The following PRKCA variants were observed in gnomAD, a reference collection of about 807,000 sequenced individuals.
PRKCA encodes the protein protein kinase C alpha type.
In PRKCA, 27 loss-of-function variants were observed where a neutral mutation model predicts 87.0. That is an observed-to-expected ratio of 0.31 (90% CI 0.23 to 0.43). PRKCA has a LOEUF of 0.43. PRKCA is among the 20% of genes least tolerant of loss of function. The pLI, the probability that PRKCA is intolerant of heterozygous loss-of-function variation, is 1.00. For synonymous variants in PRKCA, 329 were observed against 311.1 expected, an observed-to-expected ratio of 1.06 and a Z score of -0.61; for missense variants, 518 against 852.3, an observed-to-expected ratio of 0.61 and a Z score of 4.88.
intron 4 of PRKCA, among the ~76,000 whole-genome samples, chr17:66,642,133 C>T (rs964436843): frequency 6.6e-6 from 1 of 151,442 alleles, no homozygotes; most frequent in East Asian, 1.9e-4. Context: ...TTGCTTTGAT[C>T]ATTTTTTTTT....
At chr17:66,616,967 C>T (rs1020598561) in intron 3 of PRKCA, among the ~76,000 whole-genome samples, 5 of 151,472 alleles carry the variant, frequency 3.3e-5, no homozygotes, top group South Asian at 4.2e-4. Context: ...TGGGTACGAA[C>T]GGGACATAGG....
At chr17:66,575,764 T>A (rs1272343764) in intron 3 of PRKCA, among the ~76,000 whole-genome samples, 1 of 152,100 alleles carries the variant, frequency 6.6e-6, no homozygotes, top group Non-Finnish European at 1.5e-5. Context: ...AGTGTCTGGA[T>A]AGAGTAAACC....
At chr17:66,339,233 T>C (rs574056352) in intron 2 of PRKCA, among the ~76,000 whole-genome samples, 1 of 152,312 alleles carries the variant, frequency 6.6e-6, no homozygotes, top group African/African-American at 2.4e-5. Context: ...TGTTACAAAG[T>C]TTCCAGTCTA....
intron 3 of PRKCA, among the ~76,000 whole-genome samples, chr17:66,526,207 G>A (rs1056532955): frequency 3.9e-5 from 6 of 152,132 alleles, no homozygotes; most frequent in South Asian, 2.1e-4. Flanking sequence ...ATGTATATCC[G>A]AAAATTATTA....
intron 3 of PRKCA, among the ~76,000 whole-genome samples, chr17:66,591,387 G>A (rs558479190): frequency 7.6e-4 from 116 of 151,738 alleles, no homozygotes; most frequent in Middle Eastern, 3.4e-3. Flanking sequence ...TTGAACTCCC[G>A]GGCTCAAATG....
At chr17:66,778,151 C>T (rs1691296312) in intron 14 of PRKCA, 1 of 985,334 alleles carries the variant, frequency 1.0e-6, no homozygotes, top group Non-Finnish European at 1.2e-6. Context: ...TCCAATATTT[C>T]CCACACTGCT....
At chr17:66,802,384 G>C (rs981222717) in intron 16 of PRKCA, among the ~76,000 whole-genome samples, 2 of 152,106 alleles carry the variant, frequency 1.3e-5, no homozygotes, top group Non-Finnish European at 2.9e-5. Flanking sequence ...TCGTCGCTGG[G>C]CGTGGTGGCT....
chr17:66,762,660 A>G (rs1236447807), intron 13 of PRKCA, among the ~76,000 whole-genome samples: 1 of 152,184 alleles, frequency 6.6e-6, no homozygotes, highest in Non-Finnish European at 1.5e-5. Context: ...GATGCTTTAG[A>G]AAGAGGACAC....
At position 66,799,583 on chromosome 17, in the gene PRKCA, A is replaced by ATGG. The variant is rs1231794316; in HGVS notation, c.1855-4278_1855-4276dup. ...GGTGGTGGTGATGGTGGTGGTGGTGATGGTGGTGGTGGTGATGGTGGTGGT... is the reference window on the plus strand; with the variant it reads ...GGTGGTGGTGATGGTGGTGGTGGTGATGGTGGTGGTGGTGGTGATGGTGGTGGT... On this transcript the variant is annotated intron_variant, in intron 16 of 16. Coordinates refer to ENST00000413366, the MANE Select transcript of PRKCA (RefSeq NM_002737.3). Among the ~76,000 whole-genome samples the ATGG allele has an allele frequency of 9.9e-4, 2 of 2,030 alleles. 1 individual carries two copies. The highest frequency in any genetic ancestry group is 0.014 in the African/African-American group (2 of 138). 1.3% of individuals were successfully genotyped at this position (2,030 alleles called of 152,430 possible). A position where few individuals can be genotyped will look rare whatever the true frequency, so the allele number is the denominator to read the frequency against.
intron 5 of PRKCA, among the ~76,000 whole-genome samples, chr17:66,683,183 CT>C (rs1461024032): frequency 6.6e-6 from 1 of 152,208 alleles, no homozygotes; most frequent in Non-Finnish European, 1.5e-5. Context: ...ATTGTGTTTA[CT>C]TTTATGGTTA....
In PRKCA at chr17:66,732,735, A is replaced by G; in HGVS notation, c.966A>G (p.Glu322=). Residue 322 remains glutamate (E), a synonymous_variant, in exon 9 of 17, where the codon GAA becomes GAG. Coordinates refer to ENST00000413366, the MANE Select transcript of PRKCA (RefSeq NM_002737.3). ...GCAACAAAGTCATCAGTCCCTCTGA[A>G]GACAGGAAACAACCTTCCAACAACC... ...PAGNKVISPS[E]DRKQPSNNLD... 6.2e-7 allele frequency: 1 copy of G among 1,614,214 alleles called. No individual in the cohort carries two copies.
rs151309915 is a variant in PRKCA at position 66,750,575 on chromosome 17, A to G, written c.1524+7815A>G. 5.1e-3 allele frequency among the ~76,000 whole-genome samples: 774 copies of G among 152,258 alleles called. 10 individuals carry two copies. The highest frequency in any genetic ancestry group is 0.016 in the African/African-American group (646 of 41,528). On this transcript the variant is annotated intron_variant, in intron 13 of 16. Coordinates refer to ENST00000413366, the MANE Select transcript of PRKCA (RefSeq NM_002737.3). ...GTTTAATCAGTTTAGCCTCTTCTCT[A>G]GAGCACTGGGCACCTTCTGCGATAT...
At chr17:66,310,207 A>ATTT (rs11361111) in intron 2 of PRKCA, among the ~76,000 whole-genome samples, 18 of 145,386 alleles carry the variant, frequency 1.2e-4, no homozygotes, top group African/African-American at 4.3e-4. Context: ...GTTTTCTCTA[A>ATTT]TTTTTTTTTT....
chr17:66,659,955 G>T (rs1971846995), intron 5 of PRKCA, among the ~76,000 whole-genome samples: 1 of 152,182 alleles, frequency 6.6e-6, no homozygotes, highest in Non-Finnish European at 1.5e-5. Flanking sequence ...GGAGGTTACA[G>T]TCGAAGTCAT....
intron 2 of PRKCA, among the ~76,000 whole-genome samples, chr17:66,325,119 C>G (rs1201006566): frequency 6.6e-6 from 1 of 152,176 alleles, no homozygotes; most frequent in Non-Finnish European, 1.5e-5. Flanking sequence ...AAAAATTTTT[C>G]CTAAAAATGT....
chr17:66,456,321 C>A (rs1373669829), intron 2 of PRKCA, among the ~76,000 whole-genome samples: 1 of 152,170 alleles, frequency 6.6e-6, no homozygotes, highest in African/African-American at 2.4e-5. Flanking sequence ...CATTGTACTT[C>A]TGAGGTGTCT....
intron 3 of PRKCA, among the ~76,000 whole-genome samples, chr17:66,520,386 G>T (rs1193273587): frequency 1.3e-5 from 2 of 152,048 alleles, no homozygotes; most frequent in African/African-American, 2.4e-5. Flanking sequence ...CTCCCAAAGT[G>T]CTGTGATTAC....
At chr17:66,504,978 C>G (rs1196581255) in intron 3 of PRKCA, among the ~76,000 whole-genome samples, 1 of 152,174 alleles carries the variant, frequency 6.6e-6, no homozygotes, top group Non-Finnish European at 1.5e-5. Context: ...AAGCCCGAGT[C>G]CATTTCTGAA....
intron 2 of PRKCA, among the ~76,000 whole-genome samples, chr17:66,391,887 C>T (rs1014126390): frequency 6.6e-6 from 1 of 152,010 alleles, no homozygotes; most frequent in Non-Finnish European, 1.5e-5. Flanking sequence ...GGAAAGTAGG[C>T]ACCCCAACCC....
Sources: gnomAD v4.1 joint callset for allele counts (sites outside exome capture counted in the v4.1 genomes callset) on GRCh38, gnomAD v4.1.1 for gene constraint, MANE v1.5 for transcripts, NCBI Gene and HGNC (gene_info 2026-07-23, HGNC 2026-07-21) for gene names.